Variants in SEMA6D observed in about 807,000 individuals in gnomAD.
SEMA6D encodes semaphorin 6D.
In SEMA6D, 35 loss-of-function variants were observed where a neutral mutation model predicts 106.6. The ratio of observed to expected loss-of-function variants is 0.33; its 90% CI spans 0.25 to 0.44. SEMA6D has a LOEUF of 0.44. Among genes scored for constraint, SEMA6D ranks in the 20% least tolerant of loss-of-function variants. SEMA6D has a pLI of 1.00. For missense variants in SEMA6D, 1,185 were observed against 1,345.9 expected, an observed-to-expected ratio of 0.88 and a Z score of 1.87; for synonymous variants, 499 against 487.7, an observed-to-expected ratio of 1.02 and a Z score of -0.31.
chr15:47,352,761 G>C (rs2038375124), intron 1 of SEMA6D, among the ~76,000 whole-genome samples: 1 of 152,172 alleles, frequency 6.6e-6, no homozygotes, highest in South Asian at 2.1e-4. Context: ...GAATTGAATA[G>C]TATATACTGC....
At chr15:47,463,349 C>T (rs534442174) in intron 2 of SEMA6D, among the ~76,000 whole-genome samples, 4 of 152,272 alleles carry the variant, frequency 2.6e-5, no homozygotes, top group African/African-American at 9.6e-5. Context: ...CTCCATAAAT[C>T]CTTTGCTGAT....
At chr15:47,769,437 G>A (rs941694564) in intron 18 of SEMA6D, among the ~76,000 whole-genome samples, 10 of 151,910 alleles carry the variant, frequency 6.6e-5, no homozygotes, top group Non-Finnish European at 1.0e-4. Context: ...ATATGTTTTC[G>A]TTGTAACCAA....
intron 2 of SEMA6D, among the ~76,000 whole-genome samples, chr15:47,422,184 T>G (rs12440853): frequency 0.18 from 4,571 of 25,304 alleles, 134 homozygotes; most frequent in African/African-American, 0.29. Context: ...CTGCCTGCCT[T>G]CCTTCCTTCC....
chr15:47,734,446 A>G (rs1477546514), intron 1 of SEMA6D, among the ~76,000 whole-genome samples: 2 of 152,118 alleles, frequency 1.3e-5, no homozygotes, highest in Non-Finnish European at 2.9e-5. Context: ...ATTTTTTTCG[A>G]ACAAGGAGAA....
intron 1 of SEMA6D, among the ~76,000 whole-genome samples, chr15:47,398,048 T>C (rs1201095660): frequency 6.6e-6 from 1 of 152,134 alleles, no homozygotes; most frequent in Non-Finnish European, 1.5e-5. Context: ...CCCAACACTT[T>C]CCCTAGCAAA....
chr15:47,625,936 A>G (rs964368067), intron 4 of SEMA6D, among the ~76,000 whole-genome samples: 4 of 152,114 alleles, frequency 2.6e-5, no homozygotes, highest in Non-Finnish European at 4.4e-5. Context: ...CTTATTTTGA[A>G]GGCCATTACT....
intron 4 of SEMA6D, among the ~76,000 whole-genome samples, chr15:47,601,184 A>G (rs2076650258): frequency 6.6e-6 from 1 of 151,896 alleles, no homozygotes; most frequent in South Asian, 2.1e-4. Context: ...GATACAGCAG[A>G]CTCTTTGTCT....
intron 1 of SEMA6D, among the ~76,000 whole-genome samples, chr15:47,282,850 G>A (rs1391867561): frequency 6.6e-6 from 1 of 152,028 alleles, no homozygotes; most frequent in East Asian, 1.9e-4. Context: ...CTAGGTAGAC[G>A]CTTACCAGCA....
At chr15:47,407,082 C>T (rs1462615741) in intron 1 of SEMA6D, among the ~76,000 whole-genome samples, 1 of 152,008 alleles carries the variant, frequency 6.6e-6, no homozygotes, top group African/African-American at 2.4e-5. Context: ...ATGTTGTAGG[C>T]CGGGCCGGGG....
chr15:47,434,128 AAG>A (rs1481532294), intron 2 of SEMA6D, among the ~76,000 whole-genome samples: 2 of 152,126 alleles, frequency 1.3e-5, no homozygotes, highest in African/African-American at 2.4e-5. Context: ...CCTCCACTGA[AAG>A]AGAGTCAGTG....
intron 4 of SEMA6D, among the ~76,000 whole-genome samples, chr15:47,652,972 GA>G (rs1378690922): frequency 6.6e-6 from 1 of 152,152 alleles, no homozygotes; most frequent in Non-Finnish European, 1.5e-5. Flanking sequence ...AAACATACAA[GA>G]GCCTAGCACT....
intron 4 of SEMA6D, among the ~76,000 whole-genome samples, chr15:47,622,736 G>A (rs1484049989): frequency 1.3e-5 from 2 of 152,134 alleles, no homozygotes; most frequent in Non-Finnish European, 2.9e-5. Flanking sequence ...GAGCTCTGGA[G>A]CATAAATTAC....
intron 4 of SEMA6D, among the ~76,000 whole-genome samples, chr15:47,703,555 T>C (rs2078857306): frequency 6.6e-6 from 1 of 152,162 alleles, no homozygotes; most frequent in African/African-American, 2.4e-5. Context: ...ACCCAATTTG[T>C]GACAATTTCC....
intron 1 of SEMA6D, among the ~76,000 whole-genome samples, chr15:47,330,221 A>T (rs1243479719): frequency 6.6e-6 from 1 of 152,202 alleles, no homozygotes; most frequent in Non-Finnish European, 1.5e-5. Context: ...TTGCATGTGA[A>T]TACAGAAATG....
chr15:47,738,014 G>C (rs1388190295), intron 1 of SEMA6D, among the ~76,000 whole-genome samples: 2 of 149,290 alleles, frequency 1.3e-5, no homozygotes, highest in Non-Finnish European at 3.0e-5. Context: ...TTCTAGTATT[G>C]CTATCAAGAA....
intron 3 of SEMA6D, among the ~76,000 whole-genome samples, chr15:47,477,100 T>C: frequency 6.6e-6 from 1 of 152,202 alleles, no homozygotes; most frequent in South Asian, 2.1e-4. Context: ...ATTCACAAAC[T>C]GGATATTTTT....
chr15:47,359,871 A>G (rs942854133), intron 1 of SEMA6D: 1 of 152,172 alleles, frequency 6.6e-6, no homozygotes, highest in African/African-American at 2.4e-5. Flanking sequence ...GGAAGGTGGG[A>G]AAAACTTTAA....
intron 3 of SEMA6D, among the ~76,000 whole-genome samples, chr15:47,496,628 A>T (rs1021718689): frequency 6.6e-6 from 1 of 152,068 alleles, no homozygotes; most frequent in African/African-American, 2.4e-5. Flanking sequence ...CCTAAATCTG[A>T]TGTTGAGAAA....
chr15:47,349,612 C>T (rs2038229311), intron 1 of SEMA6D, among the ~76,000 whole-genome samples: 1 of 152,040 alleles, frequency 6.6e-6, no homozygotes, highest in Non-Finnish European at 1.5e-5. Context: ...AAATAAGGTG[C>T]TACAATGAAT....
Sources: gnomAD v4.1 joint callset for allele counts (sites outside exome capture counted in the v4.1 genomes callset) on GRCh38, gnomAD v4.1.1 for gene constraint, MANE v1.5 for transcripts, NCBI Gene and HGNC (gene_info 2026-07-23, HGNC 2026-07-21) for gene names.